CSMD1: variants seen among roughly 807,000 people sequenced by gnomAD.
CSMD1 encodes CUB and sushi domain-containing protein 1.
In CSMD1, 213 loss-of-function variants were observed where a neutral mutation model predicts 417.5. The ratio of observed to expected loss-of-function variants is 0.51; its 90% CI spans 0.46 to 0.57. The LOEUF is 0.57. CSMD1 is among the 20% of genes least tolerant of loss of function. The probability of loss-of-function intolerance (pLI) is 0.00; values close to 1 mark genes in which losing one functional copy is unlikely to be tolerated. For synonymous variants in CSMD1, 2,862 were observed against 1,736.8 expected, an observed-to-expected ratio of 1.65 and a Z score of -16.11; for missense variants, 6,923 against 4,529.7, an observed-to-expected ratio of 1.53 and a Z score of -15.17.
chr8:3,626,616 T>C (rs2117226122), intron 7 of CSMD1, among the ~76,000 whole-genome samples: 1 of 151,746 alleles, frequency 6.6e-6, no homozygotes, highest in East Asian at 1.9e-4. Context: ...ATTTGAATGA[T>C]GAGTCCCCAC....
chr8:3,391,182 G>C (rs1387328105), intron 17 of CSMD1, among the ~76,000 whole-genome samples: 2 of 146,114 alleles, frequency 1.4e-5, no homozygotes, highest in Admixed American at 6.8e-5. Context: ...GCAAACAATT[G>C]GTGTGGTGTG....
At chr8:3,261,117 C>T (rs916176503) in intron 26 of CSMD1, among the ~76,000 whole-genome samples, 3 of 152,194 alleles carry the variant, frequency 2.0e-5, no homozygotes, top group Non-Finnish European at 4.4e-5. Flanking sequence ...AGAGATATCA[C>T]TGCATCCTTA....
chr8:3,716,434 T>C (rs1801836252), intron 6 of CSMD1, among the ~76,000 whole-genome samples: 1 of 152,200 alleles, frequency 6.6e-6, no homozygotes, highest in South Asian at 2.1e-4. Context: ...AAGGGGTGGA[T>C]TATTCATGCC....
intron 38 of CSMD1, among the ~76,000 whole-genome samples, chr8:3,159,555 T>C (rs936614043): frequency 2.0e-5 from 3 of 152,212 alleles, no homozygotes; most frequent in African/African-American, 7.2e-5. Flanking sequence ...TAATATGTAA[T>C]TGATGCATCT....
chr8:3,943,640 T>G (rs925387852), intron 5 of CSMD1, among the ~76,000 whole-genome samples: 1 of 152,084 alleles, frequency 6.6e-6, no homozygotes. Flanking sequence ...AAAGTTACTA[T>G]CACAATTAAT....
intron 26 of CSMD1, chr8:3,279,180 T>C (rs767451929): frequency 2.0e-5 from 3 of 152,144 alleles, no homozygotes; most frequent in Non-Finnish European, 4.4e-5. Context: ...GAGAAACACA[T>C]GACATGAATT....
chr8:4,373,030 G>T (rs1289203027), intron 3 of CSMD1, among the ~76,000 whole-genome samples: 5 of 152,180 alleles, frequency 3.3e-5, no homozygotes, highest in Non-Finnish European at 7.3e-5. Flanking sequence ...GATGATTCGG[G>T]CTCACAGTGT....
At chr8:4,342,415 C>G (rs1450498037) in intron 3 of CSMD1, among the ~76,000 whole-genome samples, 4 of 152,080 alleles carry the variant, frequency 2.6e-5, no homozygotes, top group Admixed American at 2.6e-4. Flanking sequence ...AGGTTAATCA[C>G]TTTCTGAACT....
intron 5 of CSMD1, among the ~76,000 whole-genome samples, chr8:3,762,266 C>T (rs1584958323): frequency 1.3e-5 from 2 of 152,210 alleles, no homozygotes; most frequent in South Asian, 2.1e-4. Flanking sequence ...TGGAGATCAG[C>T]AGAAATATCT....
intron 1 of CSMD1, among the ~76,000 whole-genome samples, chr8:4,818,361 T>C (rs1473266096): frequency 1.3e-5 from 2 of 152,222 alleles, no homozygotes; most frequent in African/African-American, 4.8e-5. Flanking sequence ...AGTTTAATGT[T>C]CCTTCAATAA....
chr8:3,124,921 A>C (rs905149133), intron 41 of CSMD1, among the ~76,000 whole-genome samples: 1 of 152,236 alleles, frequency 6.6e-6, no homozygotes, highest in African/African-American at 2.4e-5. Flanking sequence ...CTATACACTA[A>C]GTAAGAGTAT....
intron 5 of CSMD1, among the ~76,000 whole-genome samples, chr8:3,907,143 G>A (rs1253934619): frequency 1.3e-5 from 2 of 152,080 alleles, no homozygotes; most frequent in Admixed American, 6.5e-5. Flanking sequence ...TACTTTTCAT[G>A]TTACGTTGTG....
At chr8:4,120,606 C>T (rs1802431681) in intron 3 of CSMD1, among the ~76,000 whole-genome samples, 1 of 152,178 alleles carries the variant, frequency 6.6e-6, no homozygotes, top group Non-Finnish European at 1.5e-5. Context: ...CTTTTGGGTG[C>T]CAAATAGACA....
intron 3 of CSMD1, among the ~76,000 whole-genome samples, chr8:4,346,025 A>T (rs1478905366): frequency 6.6e-6 from 1 of 152,172 alleles, no homozygotes; most frequent in East Asian, 1.9e-4. Context: ...GGAATATTAC[A>T]TTCTTATTAT....
chr8:3,907,041 G>T (rs1184700848), intron 5 of CSMD1, among the ~76,000 whole-genome samples: 1 of 152,116 alleles, frequency 6.6e-6, no homozygotes, highest in African/African-American at 2.4e-5. Context: ...ATGGCTGGGA[G>T]AGCTTACTAA....
chr8:3,408,478 T>A (rs1423429718), intron 13 of CSMD1, among the ~76,000 whole-genome samples: 1 of 151,166 alleles, frequency 6.6e-6, no homozygotes, highest in African/African-American at 2.5e-5. Context: ...TCAAAAATGA[T>A]CCTTTCCAGT....
intron 3 of CSMD1, among the ~76,000 whole-genome samples, chr8:4,126,890 G>C (rs1402267747): frequency 6.6e-6 from 1 of 152,100 alleles, no homozygotes; most frequent in Non-Finnish European, 1.5e-5. Flanking sequence ...TGTCTCCTGG[G>C]AATGGGTTAG....
intron 12 of CSMD1, among the ~76,000 whole-genome samples, chr8:3,418,999 T>A (rs1440897667): frequency 6.6e-6 from 1 of 152,228 alleles, no homozygotes; most frequent in East Asian, 1.9e-4. Context: ...ATCATCTTGC[T>A]ATAGTGTTCC....
At chr8:4,214,028 T>A (rs1215942439) in intron 3 of CSMD1, among the ~76,000 whole-genome samples, 1 of 152,172 alleles carries the variant, frequency 6.6e-6, no homozygotes, top group Admixed American at 6.5e-5. Context: ...TAAGTAACAA[T>A]GGACAAAAAG....
Sources: allele counts gnomAD v4.1 joint callset (sites outside exome capture counted in the v4.1 genomes callset), GRCh38; gene constraint gnomAD v4.1.1; transcripts MANE v1.5; gene names NCBI Gene and HGNC (gene_info 2026-07-23, HGNC 2026-07-21).